SEPTIN9: variants seen among roughly 807,000 people sequenced by gnomAD.
SEPTIN9 encodes the protein septin 9, also known as septin-9.
SEPTIN9 carries 13 observed loss-of-function variants against 56.6 expected under a neutral mutation model. The ratio of observed to expected loss-of-function variants is 0.23; its 90% CI spans 0.15 to 0.37. The LOEUF (loss-of-function observed/expected upper bound fraction) is 0.37. Among genes scored for constraint, SEPTIN9 ranks in the 10% least tolerant of loss-of-function variants. The pLI is 1.00. For missense variants in SEPTIN9, 650 were observed against 823.1 expected, an observed-to-expected ratio of 0.79 and a Z score of 2.57; for synonymous variants, 332 against 334.1, an observed-to-expected ratio of 0.99 and a Z score of 0.07.
intron 2 of SEPTIN9, among the ~76,000 whole-genome samples, chr17:77,314,403 T>C (rs958462838): frequency 3.5e-5 from 5 of 144,666 alleles, no homozygotes; most frequent in African/African-American, 1.3e-4. Flanking sequence ...AGGCTGGTCT[T>C]GAACTCTTGG....
Position 77,307,131 on chromosome 17 carries a change from C to T in SEPTIN9, c.20-10C>T. ...CTTGTGTGACCTTTGCCCTTTGTCT[C>T]TGTCTTTAGGAGGCACGCGGACCTC... is the stretch of plus-strand genomic sequence containing the variant. On this transcript the variant is annotated splice_polypyrimidine_tract_variant and intron_variant, in intron 1 of 11. Transcript: ENST00000427177. The T allele has an allele frequency of 1.2e-6, 2 of 1,613,872 alleles. No homozygotes were observed. The highest frequency in any genetic ancestry group is 1.7e-6 in the Non-Finnish European group (2 of 1,179,786).
intron 1 of SEPTIN9, among the ~76,000 whole-genome samples, chr17:77,302,004 T>G (rs1340441740): frequency 1.3e-5 from 2 of 152,062 alleles, no homozygotes; most frequent in African/African-American, 4.8e-5. Flanking sequence ...ACATCACAGG[T>G]GGGGTCTGTA....
chr17:77,431,605 G>A (rs905138260), intron 3 of SEPTIN9, among the ~76,000 whole-genome samples: 2 of 152,060 alleles, frequency 1.3e-5, no homozygotes, highest in African/African-American at 2.4e-5. Flanking sequence ...GAGGCAGGCA[G>A]ATTGCTTGAG....
intron 2 of SEPTIN9, among the ~76,000 whole-genome samples, chr17:77,355,638 G>A (rs1006723207): frequency 6.6e-6 from 1 of 152,232 alleles, no homozygotes; most frequent in South Asian, 2.1e-4. Flanking sequence ...CATCTGAAAG[G>A]CCTTCCATGG....
chr17:77,382,171 G>T (rs1345326321), intron 2 of SEPTIN9, among the ~76,000 whole-genome samples: 7 of 152,126 alleles, frequency 4.6e-5, no homozygotes, highest in Non-Finnish European at 1.0e-4. Context: ...GAGACTCCAG[G>T]CACGCACCAC....
intron 3 of SEPTIN9, among the ~76,000 whole-genome samples, chr17:77,457,242 C>G (rs887825115): frequency 6.6e-6 from 1 of 152,098 alleles, no homozygotes; most frequent in Non-Finnish European, 1.5e-5. Flanking sequence ...GGCTGCGTAC[C>G]GAGAGTCCCA....
chr17:77,485,000 A>ATGGTGGTG (rs1568112349), intron 4 of SEPTIN9, among the ~76,000 whole-genome samples: 1 of 1,234 alleles, frequency 8.1e-4, no homozygotes, highest in Admixed American at 9.8e-3. Context: ...GATGGTGGTG[A>ATGGTGGTG]AGGGGGTGAT....
intron 3 of SEPTIN9, among the ~76,000 whole-genome samples, chr17:77,460,302 G>T (rs1174597018): frequency 6.6e-6 from 1 of 152,154 alleles, no homozygotes; most frequent in Non-Finnish European, 1.5e-5. Flanking sequence ...TTGTGGAGTG[G>T]GAGTGCGGGA....
chr17:77,398,221 C>T (rs1184825452), intron 2 of SEPTIN9, among the ~76,000 whole-genome samples: 2 of 150,288 alleles, frequency 1.3e-5, no homozygotes, highest in East Asian at 2.0e-4. Context: ...GCGATCTGTC[C>T]ACCTTGGCTT....
chr17:77,418,089 C>T (rs143152413), intron 3 of SEPTIN9, among the ~76,000 whole-genome samples: 15 of 152,332 alleles, frequency 9.8e-5, no homozygotes, highest in East Asian at 1.9e-4. Context: ...TCACACGTTG[C>T]GGCACCTTAC....
At chr17:77,342,014 C>T (rs1429659142) in intron 2 of SEPTIN9, among the ~76,000 whole-genome samples, 6 of 145,456 alleles carry the variant, frequency 4.1e-5, no homozygotes, top group Non-Finnish European at 9.0e-5. Flanking sequence ...ACCCGGGAGG[C>T]GGAGCTTGCA....
rs558624287 is a variant in SEPTIN9, at chr17:77,404,648, T to C, written c.721+1945T>C. ...GGGTGTGGGTTTGGGGGGAGACCAG[T>C]GCTCCTCATGCTTTCATGGGCATGT... is the stretch of plus-strand genomic sequence containing the variant. On this transcript the variant is annotated intron_variant, in intron 3 of 11. Coordinates refer to ENST00000427177, the MANE Select transcript of SEPTIN9 (RefSeq NM_001113491.2). Among the ~76,000 whole-genome samples the C allele has an allele frequency of 1.2e-3, 178 of 152,150 alleles. 1 individual carries two copies. Among genetic ancestry groups the C allele is most frequent in the African/African-American group, 3.6e-3 (151 of 41,508 alleles).
In SEPTIN9 at chr17:77,499,623, C is replaced by G. The variant is rs1409811650; in HGVS notation, c.*965C>G. On this transcript the variant is annotated 3_prime_UTR_variant, in exon 12 of 12. Coordinates refer to ENST00000427177, the MANE Select transcript of SEPTIN9 (RefSeq NM_001113491.2). The stretch of plus-strand genomic sequence containing the variant: ...GTGGCGTGAGCTGCCCGGCGCCTGC[C>G]CTGCCCAAGTGACCAGGGAAGTGTG... The G allele has an allele frequency of 2.3e-6, 1 of 435,854 alleles. No homozygotes were observed. The highest frequency in any genetic ancestry group is 4.4e-6 in the Non-Finnish European group (1 of 228,854). The allele number at this position is 435,854 out of a possible 1,614,324, so 27.0% of individuals were successfully genotyped here.
intron 3 of SEPTIN9, among the ~76,000 whole-genome samples, chr17:77,468,466 TA>T (rs2038845529): frequency 6.6e-6 from 1 of 152,112 alleles, no homozygotes; most frequent in Non-Finnish European, 1.5e-5. Context: ...AAGAGTAGGT[TA>T]GGGGCGTGTG....
chr17:77,498,435 T>C, intron 11 of SEPTIN9, 88 bp from the exon 12 acceptor site: 1 of 796,484 alleles, frequency 1.3e-6, no homozygotes, highest in Non-Finnish European at 2.1e-6. Context: ...CGGGCCTGAG[T>C]CCGAGGCAGG....
At chr17:77,458,414 C>G (rs1347887143) in intron 3 of SEPTIN9, among the ~76,000 whole-genome samples, 2 of 152,230 alleles carry the variant, frequency 1.3e-5, no homozygotes, top group Non-Finnish European at 2.9e-5. Flanking sequence ...GCTCCAGGCT[C>G]TAAAACCTCA....
intron 3 of SEPTIN9, among the ~76,000 whole-genome samples, chr17:77,458,307 G>A (rs2144475112): frequency 6.6e-6 from 1 of 152,326 alleles, no homozygotes; most frequent in African/African-American, 2.4e-5. Flanking sequence ...GGGTCCCAAG[G>A]TGGGTCCACA....
chr17:77,334,291 G>A (rs936180127), intron 2 of SEPTIN9, among the ~76,000 whole-genome samples: 5 of 151,604 alleles, frequency 3.3e-5, no homozygotes, highest in Admixed American at 2.0e-4. Context: ...GCGTGGTGGC[G>A]GGCGCCTGTA....
chr17:77,495,131 A>G (rs312802), intron 10 of SEPTIN9, among the ~76,000 whole-genome samples: 29,273 of 152,056 alleles, frequency 0.19, 3,391 homozygotes, highest in East Asian at 0.51. Context: ...CTGGTGGCCA[A>G]CCTTGAGTAC....
Sources: allele counts gnomAD v4.1 joint callset (sites outside exome capture counted in the v4.1 genomes callset), GRCh38; gene constraint gnomAD v4.1.1; transcripts MANE v1.5; gene names NCBI Gene and HGNC (gene_info 2026-07-23, HGNC 2026-07-21).